The following GPC6 variants were observed in gnomAD, a reference collection of about 807,000 sequenced individuals.
GPC6 encodes the protein glypican 6.
A neutral mutation model predicts 55.2 loss-of-function variants in GPC6; 14 were observed. The ratio of observed to expected loss-of-function variants is 0.25; its 90% CI spans 0.17 to 0.40. GPC6 has a LOEUF of 0.40. Among genes scored for constraint, GPC6 ranks in the 10% least tolerant of loss-of-function variants. GPC6 has a pLI of 1.00. For synonymous variants in GPC6, 278 were observed against 259.6 expected, an observed-to-expected ratio of 1.07 and a Z score of -0.68; for missense variants, 641 against 708.5, an observed-to-expected ratio of 0.90 and a Z score of 1.08.
intron 1 of GPC6, among the ~76,000 whole-genome samples, chr13:93,341,263 C>T (rs1463502552): frequency 1.3e-5 from 2 of 152,138 alleles, no homozygotes; most frequent in Non-Finnish European, 2.9e-5. Context: ...GGTAGCTACC[C>T]AGTAGTGGGA....
At chr13:93,755,042 A>G (rs1374274081) in intron 2 of GPC6, among the ~76,000 whole-genome samples, 7 of 152,182 alleles carry the variant, frequency 4.6e-5, no homozygotes, top group Non-Finnish European at 7.4e-5. Flanking sequence ...TAAAATACAG[A>G]CTCATATCAT....
intron 1 of GPC6, among the ~76,000 whole-genome samples, chr13:93,478,330 T>C (rs931456421): frequency 1.3e-5 from 2 of 152,172 alleles, no homozygotes; most frequent in Non-Finnish European, 2.9e-5. Context: ...GAAGTACAGG[T>C]TGAATAAATG....
At chr13:94,318,502 G>T (rs969016178) in intron 6 of GPC6, among the ~76,000 whole-genome samples, 1 of 152,094 alleles carries the variant, frequency 6.6e-6, no homozygotes, top group Non-Finnish European at 1.5e-5. Flanking sequence ...TCTCTCGTGC[G>T]TGCGCTCTCT....
At chr13:93,494,687 C>G (rs1880181788) in intron 1 of GPC6, among the ~76,000 whole-genome samples, 1 of 152,018 alleles carries the variant, frequency 6.6e-6, no homozygotes, top group Non-Finnish European at 1.5e-5. Flanking sequence ...ATGTTTAGCA[C>G]TTCCTTCAGG....
At chr13:94,306,689 A>T (rs138449961) in intron 6 of GPC6, among the ~76,000 whole-genome samples, 155 of 152,300 alleles carry the variant, frequency 1.0e-3, no homozygotes, top group Non-Finnish European at 2.0e-3. Flanking sequence ...AGTGATATCC[A>T]TCATCAAAGC....
At chr13:94,351,976 A>G (rs868235661) in intron 6 of GPC6, among the ~76,000 whole-genome samples, 6 of 127,896 alleles carry the variant, frequency 4.7e-5, no homozygotes, top group Admixed American at 8.0e-5. Context: ...AAAAAAAAAA[A>G]AAAAAAGAAA....
chr13:94,367,528 CA>C (rs1383559389), intron 6 of GPC6, among the ~76,000 whole-genome samples: 1 of 152,178 alleles, frequency 6.6e-6, no homozygotes, highest in Non-Finnish European at 1.5e-5. Context: ...CTAACCTGAA[CA>C]GCAGTAGGAA....
At chr13:94,256,132 T>C (rs1172314590) in intron 4 of GPC6, among the ~76,000 whole-genome samples, 1 of 152,212 alleles carries the variant, frequency 6.6e-6, no homozygotes, top group East Asian at 1.9e-4. Flanking sequence ...GAAATAATTA[T>C]CACACTGGAT....
At chr13:93,454,207 A>G (rs1213923406) in intron 1 of GPC6, among the ~76,000 whole-genome samples, 5 of 131,784 alleles carry the variant, frequency 3.8e-5, no homozygotes, top group South Asian at 2.6e-4. Context: ...ACAGAGTGCC[A>G]ATTGGTGTAT....
chr13:93,904,768 C>G (rs964049321), intron 3 of GPC6, among the ~76,000 whole-genome samples: 4 of 152,030 alleles, frequency 2.6e-5, no homozygotes, highest in African/African-American at 9.7e-5. Context: ...GTGATCTCTA[C>G]TTTTTTTAAA....
intron 4 of GPC6, among the ~76,000 whole-genome samples, chr13:94,070,376 C>A (rs1318646151): frequency 1.3e-5 from 2 of 152,172 alleles, no homozygotes; most frequent in African/African-American, 4.8e-5. Context: ...ACAGCCAAAC[C>A]ATATCAATGT....
intron 1 of GPC6, among the ~76,000 whole-genome samples, chr13:93,344,804 C>T (rs1022309268): frequency 6.6e-6 from 1 of 152,166 alleles, no homozygotes; most frequent in Admixed American, 6.5e-5. Flanking sequence ...TAATAATTGT[C>T]ATCTTTACTT....
rs564134129 is a variant in GPC6 at position 94,329,815 on chromosome 13, T to G, written c.1152+23692T>G. Among the ~76,000 whole-genome samples, 24 of 151,982 alleles carry G rather than the reference T, an allele frequency of 1.6e-4. No individual in the cohort carries two copies. The South Asian group carries it at 4.6e-3, about 29-fold the overall frequency. ...TCCTCTTCTCTTACCTTGGTCCTAT[T>G]TGGGACAAAAAAAAAATCCCTGGGT... On this transcript the variant is annotated intron_variant, in intron 6 of 8. Transcript: ENST00000377047.
At chr13:93,879,648 G>A (rs1471327762) in intron 3 of GPC6, among the ~76,000 whole-genome samples, 2 of 150,580 alleles carry the variant, frequency 1.3e-5, no homozygotes, top group African/African-American at 4.9e-5. Flanking sequence ...CAGGACATAG[G>A]CATGGGCAAG....
At chr13:93,229,518 T>A (rs1875938065) in intron 1 of GPC6, among the ~76,000 whole-genome samples, 1 of 152,190 alleles carries the variant, frequency 6.6e-6, no homozygotes, top group South Asian at 2.1e-4. Context: ...CTCTTTAATA[T>A]CAAAGTGAAG....
At chr13:93,291,792 A>G (rs370099899) in intron 1 of GPC6, among the ~76,000 whole-genome samples, 1 of 152,148 alleles carries the variant, frequency 6.6e-6, no homozygotes, top group African/African-American at 2.4e-5. Flanking sequence ...CGGAGGAACA[A>G]CATTAATAGA....
intron 7 of GPC6, among the ~76,000 whole-genome samples, chr13:94,397,629 G>A (rs1365816987): frequency 6.6e-6 from 1 of 152,152 alleles, no homozygotes; most frequent in African/African-American, 2.4e-5. Context: ...ATTAAGATCT[G>A]AGGTAGGGCC....
At chr13:93,468,471 A>G (rs1878993992) in intron 1 of GPC6, among the ~76,000 whole-genome samples, 1 of 151,594 alleles carries the variant, frequency 6.6e-6, no homozygotes, top group Admixed American at 6.6e-5. Flanking sequence ...ATTGTAATAA[A>G]GAAGCAAATT....
At chr13:93,868,029 G>A (rs189902538) in intron 3 of GPC6, among the ~76,000 whole-genome samples, 5 of 151,806 alleles carry the variant, frequency 3.3e-5, no homozygotes, top group Admixed American at 1.3e-4. Flanking sequence ...GAGGTTACTC[G>A]GGAGAATGCC....
Sources: allele counts gnomAD v4.1 joint callset (sites outside exome capture counted in the v4.1 genomes callset), GRCh38; gene constraint gnomAD v4.1.1; transcripts MANE v1.5; gene names NCBI Gene and HGNC (gene_info 2026-07-23, HGNC 2026-07-21).